The following CREB5 variants were observed in gnomAD, a reference collection of about 807,000 sequenced individuals.
CREB5 encodes the protein cAMP responsive element binding protein 5.
CREB5 carries 19 observed loss-of-function variants against 57.1 expected under a neutral mutation model. The ratio of observed to expected loss-of-function variants is 0.33; its 90% CI spans 0.23 to 0.49. The LOEUF is 0.49. CREB5 is among the 20% of genes least tolerant of loss of function. The pLI is 0.99. For missense variants in CREB5, 579 were observed against 671.6 expected, an observed-to-expected ratio of 0.86 and a Z score of 1.52; for synonymous variants, 238 against 238.3, an observed-to-expected ratio of 1.00 and a Z score of 0.01.
At position 28,560,889 on chromosome 7, in the gene CREB5, T is replaced by TGTGC. The variant is rs1795147317; in HGVS notation, c.292-9473_292-9472insCGTG. On this transcript the variant is annotated intron_variant, in intron 4 of 10. Coordinates refer to ENST00000357727, the MANE Select transcript of CREB5 (RefSeq NM_182898.4). Reference sequence around the variant, plus strand: ...GCCTGCGTGCGCGTGCGTGCGTGCGTGTGTGTGCGTGCGCGCGTGCGTGTG... The same window carrying TGTGC: ...GCCTGCGTGCGCGTGCGTGCGTGCGTGTGCGTGTGTGCGTGCGCGCGTGCGTGTG... Among the ~76,000 whole-genome samples the TGTGC allele has an allele frequency of 5.5e-4, 10 of 18,224 alleles. 1 individual carries two copies. Among genetic ancestry groups the TGTGC allele is most frequent in the African/African-American group, 1.7e-3 (7 of 4,006 alleles). The allele number at this position is 18,224 out of a possible 152,430, so 12.0% of individuals were successfully genotyped here. A position where few individuals can be genotyped will look rare whatever the true frequency, so the allele number is the denominator to read the frequency against.
At chr7:28,706,148 A>T (rs1802095083) in intron 5 of CREB5, among the ~76,000 whole-genome samples, 1 of 152,226 alleles carries the variant, frequency 6.6e-6, no homozygotes, top group Non-Finnish European at 1.5e-5. Flanking sequence ...TGAGGTCCGG[A>T]GTTCGAGACC....
chr7:28,426,140 T>A (rs1788502111), intron 1 of CREB5, among the ~76,000 whole-genome samples: 1 of 152,212 alleles, frequency 6.6e-6, no homozygotes, highest in South Asian at 2.1e-4. Flanking sequence ...GCAGAATTAT[T>A]TATTGAGTCT....
chr7:28,560,854 GT>G, intron 4 of CREB5, among the ~76,000 whole-genome samples: 1 of 99,426 alleles, frequency 1.0e-5, no homozygotes, highest in Non-Finnish European at 2.1e-5. Context: ...GCGCGTGTGT[GT>G]GTGCGTGTGC....
At chr7:28,630,803 CTT>C (rs1353848630) in intron 5 of CREB5, among the ~76,000 whole-genome samples, 2 of 152,116 alleles carry the variant, frequency 1.3e-5, no homozygotes, top group Non-Finnish European at 2.9e-5. Context: ...AAGAGAGTGA[CTT>C]TTTGCATGCA....
intron 5 of CREB5, among the ~76,000 whole-genome samples, chr7:28,626,237 G>A (rs891593341): frequency 4.6e-5 from 7 of 152,164 alleles, no homozygotes; most frequent in African/African-American, 1.7e-4. Flanking sequence ...TACCATTCCT[G>A]TGATTTGAGT....
chr7:28,447,544 G>A (rs1789546213), intron 1 of CREB5, among the ~76,000 whole-genome samples: 1 of 152,164 alleles, frequency 6.6e-6, no homozygotes, highest in Admixed American at 6.5e-5. Flanking sequence ...ATGCTGAGCT[G>A]GAGAGAAAGC....
At chr7:28,561,954 C>T (rs1041152902) in intron 4 of CREB5, among the ~76,000 whole-genome samples, 2 of 152,154 alleles carry the variant, frequency 1.3e-5, no homozygotes, top group African/African-American at 4.8e-5. Flanking sequence ...CCATGTTGGC[C>T]AGGCTGGTCT....
intron 4 of CREB5, among the ~76,000 whole-genome samples, chr7:28,559,148 T>G (rs1193202966): frequency 6.6e-6 from 1 of 152,148 alleles, no homozygotes; most frequent in Non-Finnish European, 1.5e-5. Flanking sequence ...TCACTTTGCT[T>G]TGGTTTTTCC....
chr7:28,469,543 C>A (rs1040797381), intron 1 of CREB5, among the ~76,000 whole-genome samples: 2 of 152,162 alleles, frequency 1.3e-5, no homozygotes, highest in South Asian at 2.1e-4. Context: ...AATGTCTCTG[C>A]CAATGAATGA....
chr7:28,776,265 G>A (rs1450923044), intron 7 of CREB5, among the ~76,000 whole-genome samples: 2 of 151,326 alleles, frequency 1.3e-5, no homozygotes, highest in African/African-American at 2.4e-5. Context: ...GTGATCCCGG[G>A]AGGCGGAGCT....
At position 28,306,541 on chromosome 7, in the gene CREB5, G is replaced by GTTTTTTTTTTTTTTTTT. The variant is rs199561235; in HGVS notation, c.-25+7104_-25+7105insTTTTTTTTTTTTTTTTT. Among the ~76,000 whole-genome samples, 15 of 44,446 alleles carry GTTTTTTTTTTTTTTTTT rather than the reference G, an allele frequency of 3.4e-4. 2 individuals carry two copies. The highest frequency in any genetic ancestry group is 8.5e-4 in the African/African-American group (11 of 12,942). 29.2% of individuals were successfully genotyped at this position (44,446 alleles called of 152,430 possible). The stretch of plus-strand genomic sequence containing the variant: ...ACTGGTGCCAGTACATACAGATACA[G>GTTTTTTTTTTTTTTTTT]TTTTGTTTTTTTTGTTTTTTTTTTT... On this transcript the variant is annotated intron_variant, in intron 1 of 9. Coordinates refer to the CREB5 transcript ENST00000396299.
intron 1 of CREB5, among the ~76,000 whole-genome samples, chr7:28,484,078 G>T (rs1463134737): frequency 1.3e-5 from 2 of 152,138 alleles, no homozygotes; most frequent in African/African-American, 4.8e-5. Flanking sequence ...GGAGCCTAGG[G>T]TATGGCAGTT....
chr7:28,475,152 C>G (rs917742105), intron 1 of CREB5, among the ~76,000 whole-genome samples: 2 of 151,318 alleles, frequency 1.3e-5, no homozygotes, highest in African/African-American at 4.9e-5. Flanking sequence ...CGTCATCTCT[C>G]CATTTTCTCA....
intron 1 of CREB5, among the ~76,000 whole-genome samples, chr7:28,303,857 A>C (rs1411523775): frequency 6.6e-6 from 1 of 152,348 alleles, no homozygotes; most frequent in Non-Finnish European, 1.5e-5. Context: ...TTCAAAAATA[A>C]AATTTAAATA....
intron 1 of CREB5, among the ~76,000 whole-genome samples, chr7:28,397,542 T>C (rs1221160776): frequency 6.6e-6 from 1 of 152,166 alleles, no homozygotes; most frequent in Non-Finnish European, 1.5e-5. Context: ...AGTCAGTTTA[T>C]TTGGGCTAGA....
In CREB5 at chr7:28,478,793, G is replaced by C. The variant is rs142918631; in HGVS notation, c.4-9382G>C. ...GTGGGAGCTGTAGGTGGCCAAACCA[G>C]ATAATTTACCCAGAAAAAGCCACCC... On this transcript the variant is annotated intron_variant, in intron 1 of 10. Transcript: ENST00000357727. Among the ~76,000 whole-genome samples the C allele has an allele frequency of 3.2e-3, 481 of 152,276 alleles. 2 individuals carry two copies. The highest frequency in any genetic ancestry group is 0.011 in the African/African-American group (440 of 41,558).
At chr7:28,600,034 T>C (rs996221467) in intron 5 of CREB5, among the ~76,000 whole-genome samples, 2 of 151,918 alleles carry the variant, frequency 1.3e-5, no homozygotes, top group African/African-American at 4.8e-5. Flanking sequence ...GGAGTGGGAG[T>C]GTGGTGAGGG....
In CREB5 at chr7:28,560,841, T is replaced by C. The variant is rs1279561470; in HGVS notation, c.292-9524T>C. Reference sequence around the variant, plus strand: ...GTGTGTGCGCGCGCGCGCGTGTGTGTGTGCGCGTGTGTGTGTGCGTGTGCC... The same window carrying C: ...GTGTGTGCGCGCGCGCGCGTGTGTGCGTGCGCGTGTGTGTGTGCGTGTGCC... On this transcript the variant is annotated intron_variant, in intron 4 of 10. Coordinates refer to ENST00000357727, the MANE Select transcript of CREB5 (RefSeq NM_182898.4). Among the ~76,000 whole-genome samples the C allele has an allele frequency of 1.8e-3, 132 of 74,994 alleles. 7 individuals carry two copies. The highest frequency in any genetic ancestry group is 3.8e-3 in the South Asian group (8 of 2,104). The allele number at this position is 74,994 out of a possible 152,430, so 49.2% of individuals were successfully genotyped here. A position where few individuals can be genotyped will look rare whatever the true frequency, so the allele number is the denominator to read the frequency against.
At chr7:28,786,193 C>G (rs1262446520) in intron 7 of CREB5, among the ~76,000 whole-genome samples, 6 of 152,066 alleles carry the variant, frequency 3.9e-5, no homozygotes, top group Non-Finnish European at 8.8e-5. Flanking sequence ...TTAAAGTTGG[C>G]TTTGATGTGC....
Sources: allele counts gnomAD v4.1 joint callset (sites outside exome capture counted in the v4.1 genomes callset), GRCh38; gene constraint gnomAD v4.1.1; transcripts MANE v1.5; gene names NCBI Gene and HGNC (gene_info 2026-07-23, HGNC 2026-07-21).